Variants in DOK5 observed in about 807,000 individuals in gnomAD.
The protein encoded by DOK5 is downstream of tyrosine kinase 5.
A neutral mutation model predicts 43.3 loss-of-function variants in DOK5; 27 were observed. That is an observed-to-expected ratio of 0.62 (90% confidence interval 0.46 to 0.86). The LOEUF is 0.86. DOK5 is among the 40% of genes least tolerant of loss of function. The pLI, the probability that DOK5 is intolerant of heterozygous loss-of-function variation, is 0.00. For missense variants in DOK5, 373 were observed against 392.9 expected (o/e 0.95, Z 0.43); for synonymous variants, 146 against 140.1 (o/e 1.04, Z -0.30).
intron 1 of DOK5, among the ~76,000 whole-genome samples, chr20:54,548,225 T>C (rs1984410244): frequency 2.0e-5 from 3 of 147,314 alleles, no homozygotes; most frequent in Non-Finnish European, 4.4e-5. Flanking sequence ...TAGGATTACC[T>C]ATCTTTTATT....
At chr20:54,580,096 A>C (rs1985588082) in intron 2 of DOK5, among the ~76,000 whole-genome samples, 1 of 152,138 alleles carries the variant, frequency 6.6e-6, no homozygotes, top group East Asian at 1.9e-4. Flanking sequence ...ATGTCCCTTC[A>C]AAAGACATGA....
At chr20:54,541,365 C>A (rs931570920) in intron 1 of DOK5, among the ~76,000 whole-genome samples, 2 of 152,162 alleles carry the variant, frequency 1.3e-5, no homozygotes, top group African/African-American at 4.8e-5. Flanking sequence ...ATATCACTTC[C>A]ATTCAATGCT....
intron 1 of DOK5, among the ~76,000 whole-genome samples, chr20:54,552,274 A>C (rs2146726591): frequency 6.6e-6 from 1 of 152,298 alleles, no homozygotes; most frequent in South Asian, 2.1e-4. Context: ...GACCTAAATG[A>C]AAATTTATAT....
At chr20:54,556,121 G>T (rs1239340643) in intron 2 of DOK5, among the ~76,000 whole-genome samples, 1 of 152,192 alleles carries the variant, frequency 6.6e-6, no homozygotes, top group Non-Finnish European at 1.5e-5. Flanking sequence ...CATAAGGGAA[G>T]AATAAGCACA....
chr20:54,506,038 C>T (rs762587894), intron 1 of DOK5, among the ~76,000 whole-genome samples: 2 of 152,176 alleles, frequency 1.3e-5, no homozygotes, highest in Non-Finnish European at 2.9e-5. Context: ...ATCACTCTGG[C>T]TGCAGATGGC....
chr20:54,496,627 G>A (rs964775344), intron 1 of DOK5, among the ~76,000 whole-genome samples: 45 of 152,028 alleles, frequency 3.0e-4, no homozygotes, highest in African/African-American at 8.4e-4. Flanking sequence ...TTAGCTGGGC[G>A]TGGTGGCAGG....
intron 6 of DOK5, among the ~76,000 whole-genome samples, chr20:54,616,793 T>C (rs1317542148): frequency 1.4e-5 from 2 of 140,534 alleles, no homozygotes; most frequent in African/African-American, 5.7e-5. Flanking sequence ...TCTTTTTTTT[T>C]TTTTTTTGTG....
rs1303606306 is a variant in DOK5 at position 54,646,260 on chromosome 20, T to TTG, written c.856+2683_856+2684insGT. On this transcript the variant is annotated intron_variant, in intron 7 of 7. Transcript: ENST00000262593. ...CACTGGTTATACTGTTTTTTTTTTT[T>TTG]TTTTTTTTTTTTGAGACAGGGTCTG... Among the ~76,000 whole-genome samples, 11 of 139,884 alleles carry TTG rather than the reference T, an allele frequency of 7.9e-5. 1 individual carries two copies. Among genetic ancestry groups the TTG allele is most frequent in the Admixed American group, 1.4e-4 (2 of 13,932 alleles). The allele number at this position is 139,884 out of a possible 152,430, so 91.8% of individuals were successfully genotyped here. A position where few individuals can be genotyped will look rare whatever the true frequency, so the allele number is the denominator to read the frequency against.
At position 54,602,720 on chromosome 20, in the gene DOK5, G is replaced by A. The variant is rs1366679282; in HGVS notation, c.600-7668G>A. Among the ~76,000 whole-genome samples the A allele has an allele frequency of 2.0e-5, 3 of 152,058 alleles. No homozygotes were observed. In the East Asian group the frequency reaches 5.8e-4, roughly 29 times the overall value. ...GATGGAATCTCTCTCTGTTGCCCAGGCTGGAGTGCAGTGGCGTGATCTCGG... is the reference window on the plus strand; with the variant it reads ...GATGGAATCTCTCTCTGTTGCCCAGACTGGAGTGCAGTGGCGTGATCTCGG... On this transcript the variant is annotated intron_variant, in intron 5 of 7. Coordinates refer to ENST00000262593, the MANE Select transcript of DOK5 (RefSeq NM_018431.5).
intron 6 of DOK5, among the ~76,000 whole-genome samples, chr20:54,627,457 T>C (rs1978348074): frequency 6.6e-6 from 1 of 152,218 alleles, no homozygotes; most frequent in Non-Finnish European, 1.5e-5. Context: ...GAAACTGAGG[T>C]TCGGTGGGTC....
chr20:54,597,373 T>A lies in DOK5; in HGVS notation c.599+5568T>A, dbSNP rs7261786. ...AGATGCTGCTACAGGCACAGAATAG[T>A]CCTTGACAACAAAGGATTATCAGGT... On this transcript the variant is annotated intron_variant, in intron 5 of 7. Transcript: ENST00000262593. Among the ~76,000 whole-genome samples the A allele has an allele frequency of 2.8e-3, 421 of 152,206 alleles. 3 individuals are homozygous for A. Among genetic ancestry groups the A allele is most frequent in the Middle Eastern group, 0.017 (5 of 294 alleles).
intron 1 of DOK5, among the ~76,000 whole-genome samples, chr20:54,550,119 C>T (rs1270234088): frequency 2.8e-5 from 4 of 145,162 alleles, no homozygotes; most frequent in African/African-American, 1.0e-4. Context: ...ACCAATGGCT[C>T]TTGTAACTTG....
chr20:54,569,827 C>T (rs1164847542), intron 2 of DOK5, among the ~76,000 whole-genome samples: 5 of 152,202 alleles, frequency 3.3e-5, no homozygotes, highest in African/African-American at 1.2e-4. Flanking sequence ...ATTTATAACT[C>T]AGACAGGCGC....
chr20:54,508,319 A>G (rs1271460210), intron 1 of DOK5, among the ~76,000 whole-genome samples: 1 of 151,848 alleles, frequency 6.6e-6, no homozygotes, highest in Admixed American at 6.6e-5. Flanking sequence ...CCCACCACAC[A>G]TAAATAAAAG....
intron 1 of DOK5, among the ~76,000 whole-genome samples, chr20:54,506,208 A>G (rs971297278): frequency 1.3e-5 from 2 of 152,158 alleles, no homozygotes; most frequent in African/African-American, 4.8e-5. Flanking sequence ...TGATACTTTG[A>G]CTTGGTCAAC....
At chr20:54,479,840 G>A (rs1036671124) in intron 1 of DOK5, among the ~76,000 whole-genome samples, 18 of 152,182 alleles carry the variant, frequency 1.2e-4, no homozygotes, top group South Asian at 8.3e-4. Context: ...TTTTGGTTGC[G>A]AAGGTAAAAA....
intron 6 of DOK5, among the ~76,000 whole-genome samples, chr20:54,639,555 C>A (rs1014273324): frequency 6.6e-6 from 1 of 152,134 alleles, no homozygotes; most frequent in Non-Finnish European, 1.5e-5. Flanking sequence ...AATCCCCATA[C>A]TTTACAATTC....
chr20:54,636,669 C>A (rs142983331), intron 6 of DOK5, among the ~76,000 whole-genome samples: 5 of 152,268 alleles, frequency 3.3e-5, no homozygotes, highest in Admixed American at 1.3e-4. Flanking sequence ...GACCTCTGAG[C>A]CTTCGGTGAG....
At chr20:54,537,695 A>AAAG (rs1337475408) in intron 1 of DOK5, among the ~76,000 whole-genome samples, 1 of 152,156 alleles carries the variant, frequency 6.6e-6, no homozygotes, top group Non-Finnish European at 1.5e-5. Context: ...CATTGTAACT[A>AAAG]AAGATCTAAC....
Sources: allele counts gnomAD v4.1 joint callset (sites outside exome capture counted in the v4.1 genomes callset), GRCh38; gene constraint gnomAD v4.1.1; transcripts MANE v1.5; gene names NCBI Gene and HGNC (gene_info 2026-07-23, HGNC 2026-07-21).